Variants in AKAP8L observed in about 807,000 individuals in gnomAD.
AKAP8L encodes the protein A-kinase anchoring protein 8 like.
Under a neutral mutation model 77.5 loss-of-function variants are expected in AKAP8L, and 34 were observed. The ratio of observed to expected loss-of-function variants is 0.44; its 90% CI spans 0.33 to 0.58. AKAP8L has a LOEUF of 0.58. Among genes scored for constraint, AKAP8L ranks in the 20% least tolerant of loss-of-function variants. AKAP8L has a pLI of 0.02. For missense variants in AKAP8L, 806 were observed against 887.6 expected (o/e 0.91, Z 1.17); for synonymous variants, 342 against 340.7 (o/e 1.00, Z -0.04).
At chr19:15,416,949 C>T (rs1968218326) in intron 1 of AKAP8L, among the ~76,000 whole-genome samples, 1 of 152,190 alleles carries the variant, frequency 6.6e-6, no homozygotes, top group Non-Finnish European at 1.5e-5. Flanking sequence ...AATTAAAATG[C>T]CTTTGACTTT....
intron 1 of AKAP8L, among the ~76,000 whole-genome samples, chr19:15,412,611 G>A (rs1038428217): frequency 6.6e-6 from 1 of 152,054 alleles, no homozygotes; most frequent in Non-Finnish European, 1.5e-5. Context: ...GCACGATCTC[G>A]GCTCACTGCA....
At chr19:15,391,167 C>T (rs1967650729) in intron 12 of AKAP8L, among the ~76,000 whole-genome samples, 1 of 151,940 alleles carries the variant, frequency 6.6e-6, no homozygotes, top group African/African-American at 2.4e-5. Flanking sequence ...CTAAGAAATC[C>T]ACTAAAAACT....
At chr19:15,388,479 A>C (rs1472433634) in intron 12 of AKAP8L, among the ~76,000 whole-genome samples, 1 of 152,202 alleles carries the variant, frequency 6.6e-6, no homozygotes, top group South Asian at 2.1e-4. Flanking sequence ...AAGTAGAAGA[A>C]GGTATAATGA....
At chr19:15,386,221 C>T (rs1006433107) in intron 12 of AKAP8L, among the ~76,000 whole-genome samples, 6 of 152,054 alleles carry the variant, frequency 3.9e-5, no homozygotes, top group African/African-American at 1.4e-4. Flanking sequence ...ATCCAGCCCA[C>T]TTTCATATCT....
intron 2 of AKAP8L, among the ~76,000 whole-genome samples, chr19:15,409,402 C>T (rs1968065388): frequency 6.6e-6 from 1 of 152,206 alleles, no homozygotes; most frequent in East Asian, 1.9e-4. Flanking sequence ...TATGAGACAC[C>T]TGATACCTTC....
In AKAP8L at chr19:15,397,180, C is replaced by G. The variant is rs1465765994; in HGVS notation, c.1506G>C (p.Leu502=). Residue 502 remains leucine, a synonymous_variant, in exon 12 of 14, where the codon CTG becomes CTC. Coordinates refer to ENST00000397410, the MANE Select transcript of AKAP8L (RefSeq NM_014371.4). The surrounding 1 kb of genome is among the most constrained non-coding windows in gnomAD (Gnocchi z 4.7). ...PMQFGIIQKH[L]KTMDHNRNRR... ...GGTTCCGGTTGTGATCCATGGTCTT[C>G]AGATGCTTCTGGATGATCCCAAACT... The G allele has an allele frequency of 6.2e-7, 1 of 1,613,994 alleles. No individual in the cohort carries two copies.
intron 12 of AKAP8L, among the ~76,000 whole-genome samples, chr19:15,395,983 C>CAAAAAAAA (rs751904092): frequency 0.014 from 562 of 40,384 alleles, 59 homozygotes; most frequent in African/African-American, 0.036. Flanking sequence ...GACTCCGTCT[C>CAAAAAAAA]AAAAAAAAAA....
rs1375120478 is a variant in AKAP8L at position 15,397,899 on chromosome 19, A to G, written c.1158-44T>C. 3.1e-6 allele frequency: 5 copies of G among 1,600,718 alleles called. No homozygotes were observed. Among genetic ancestry groups the G allele is most frequent in the Middle Eastern group, 3.4e-4 (2 of 5,814 alleles). ...GAGGGGCTGAGGCTGCAAGTGTCCCAGGGGATAGTGCTGCCGCCTCACCCA... is the reference window on the plus strand; with the variant it reads ...GAGGGGCTGAGGCTGCAAGTGTCCCGGGGGATAGTGCTGCCGCCTCACCCA... On this transcript the variant is annotated intron_variant, in intron 9 of 13. Transcript: ENST00000397410. The surrounding 1 kb of genome is among the most constrained non-coding windows in gnomAD (Gnocchi z 4.7).
Position 15,401,087 on chromosome 19 carries a change from C to T in AKAP8L, c.817-44G>A, listed in dbSNP as rs748854430. 40 of 1,608,040 alleles carry T rather than the reference C, an allele frequency of 2.5e-5. No homozygotes were observed. Among genetic ancestry groups the T allele is most frequent in the South Asian group, 3.3e-5 (3 of 91,082 alleles). ...AAGCCGTGTCAGGGTGCATGGCACC[C>T]GGCCCTTAGCTCCGCCCCAGTGGGA... On this transcript the variant is annotated intron_variant, in intron 5 of 13. Coordinates refer to ENST00000397410, the MANE Select transcript of AKAP8L (RefSeq NM_014371.4). The surrounding 1 kb of genome is among the most constrained non-coding windows in gnomAD (Gnocchi z 6.2).
rs1968129332 is a variant in AKAP8L, at chr19:15,412,703, G to A, written c.14-2109C>T. On this transcript the variant is annotated intron_variant, in intron 1 of 13. Coordinates refer to ENST00000397410, the MANE Select transcript of AKAP8L (RefSeq NM_014371.4). ...ACTACAGGCGCGTGCCACCATGTCCGGCTGATTTTTTTGTATTTTTAGTAG... is the reference window on the plus strand; with the variant it reads ...ACTACAGGCGCGTGCCACCATGTCCAGCTGATTTTTTTGTATTTTTAGTAG... Among the ~76,000 whole-genome samples the A allele has an allele frequency of 3.3e-5, 5 of 152,044 alleles. No homozygotes were observed. The South Asian group carries it at 8.3e-4, about 25-fold the overall frequency.
chr19:15,404,784 C>T (rs1269191324), intron 2 of AKAP8L, among the ~76,000 whole-genome samples: 4 of 152,124 alleles, frequency 2.6e-5, no homozygotes, highest in Non-Finnish European at 4.4e-5. Flanking sequence ...GGCAGGGGAC[C>T]GAAGCTCAGT....
intron 12 of AKAP8L, among the ~76,000 whole-genome samples, chr19:15,396,006 T>G (rs1371095251): frequency 1.4e-5 from 1 of 72,694 alleles, no homozygotes; most frequent in South Asian, 4.7e-4. Flanking sequence ...AAAAAAAGAA[T>G]CTGTTTTTGG....
chr19:15,416,914 A>G (rs991311558), intron 1 of AKAP8L, among the ~76,000 whole-genome samples: 1 of 152,236 alleles, frequency 6.6e-6, no homozygotes, highest in Non-Finnish European at 1.5e-5. Context: ...ACTTACCCTT[A>G]AAGCTATTAG....
chr19:15,404,117 T>C, intron 2 of AKAP8L, 75 bp from the exon 3 acceptor site: 1 of 1,503,032 alleles, frequency 6.7e-7, no homozygotes, highest in Non-Finnish European at 9.2e-7. Flanking sequence ...CAGACAATTA[T>C]TCCCAGGACC....
At chr19:15,410,493 T>C in intron 2 of AKAP8L, 27 bp downstream of exon 2, 1 of 1,552,980 alleles carries the variant, frequency 6.4e-7, no homozygotes, top group Non-Finnish European at 8.7e-7. Context: ...CAGAACACTT[T>C]GGTTCCCACC....
rs1967909986 is a variant in AKAP8L, at chr19:15,401,939, C to T, written c.363-336G>A. Among the ~76,000 whole-genome samples, 1 of 152,228 alleles carries T rather than the reference C, an allele frequency of 6.6e-6. No homozygotes were observed. The highest frequency in any genetic ancestry group is 1.5e-5 in the Non-Finnish European group (1 of 68,034). On this transcript the variant is annotated intron_variant, in intron 4 of 13. Coordinates refer to ENST00000397410, the MANE Select transcript of AKAP8L (RefSeq NM_014371.4). This position sits in a 1 kb window ranked among gnomAD's most constrained non-coding sequence, Gnocchi z 6.2. ...ACATGTACACCATCTGTGGGAGCTG[C>T]AACGCCCAAGGCTGCTCCTCACAGG...
chr19:15,389,112 C>G (rs1173942046), intron 12 of AKAP8L, among the ~76,000 whole-genome samples: 2 of 146,734 alleles, frequency 1.4e-5, no homozygotes, highest in East Asian at 4.1e-4. Context: ...TAGTCCCCAG[C>G]TACTTGGGAG....
intron 2 of AKAP8L, among the ~76,000 whole-genome samples, chr19:15,410,252 C>CT (rs1968082512): frequency 6.6e-6 from 1 of 152,138 alleles, no homozygotes; most frequent in Admixed American, 6.5e-5. Flanking sequence ...CTCCTTTGGA[C>CT]TTTAATTGGC....
intron 7 of AKAP8L, 93 bp downstream of exon 7, chr19:15,400,701 C>T: frequency 1.4e-6 from 2 of 1,438,432 alleles, no homozygotes; most frequent in South Asian, 2.4e-5. Flanking sequence ...GCAGAGCTGA[C>T]ACAGCATTGC....
Sources: gnomAD v4.1 joint callset for allele counts (sites outside exome capture counted in the v4.1 genomes callset) on GRCh38, gnomAD v4.1.1 for gene constraint, Gnocchi (gnomAD v3.1) non-coding constraint, MANE v1.5 for transcripts, NCBI Gene and HGNC (gene_info 2026-07-23, HGNC 2026-07-21) for gene names.